Variants in ANO2 observed in about 807,000 individuals in gnomAD.
The protein encoded by ANO2 is anoctamin 2.
ANO2 carries 101 observed loss-of-function variants against 124.2 expected under a neutral mutation model. That is an observed-to-expected ratio of 0.81 (90% CI 0.69 to 0.96). ANO2 has a LOEUF of 0.96. Ranked by LOEUF, ANO2 falls within the 40% of genes least tolerant of loss-of-function variation. The pLI is 0.00. For missense variants in ANO2, 1,293 were observed against 1,274.5 expected, an observed-to-expected ratio of 1.01 and a Z score of -0.22; for synonymous variants, 486 against 482.5, an observed-to-expected ratio of 1.01 and a Z score of -0.09.
intron 10 of ANO2, among the ~76,000 whole-genome samples, chr12:5,776,353 C>T (rs1485924287): frequency 6.6e-6 from 1 of 152,196 alleles, no homozygotes; most frequent in African/African-American, 2.4e-5. Flanking sequence ...CTACCATTGC[C>T]TGCTCTCTTG....
intron 1 of ANO2, 113 bp downstream of exon 1, chr12:5,945,083 G>T (rs1943044455): frequency 9.9e-7 from 1 of 1,011,892 alleles, no homozygotes; most frequent in Non-Finnish European, 1.3e-6. Flanking sequence ...CCCTGCCCAG[G>T]CTCCCTTGGG....
chr12:5,812,712 A>ACAAG (rs1555168038), intron 7 of ANO2, among the ~76,000 whole-genome samples: 3 of 101,010 alleles, frequency 3.0e-5, no homozygotes, highest in African/African-American at 1.2e-4. Context: ...GAAAAGAAGA[A>ACAAG]GAAGGAAGGG....
chr12:5,748,891 AAAC>A (rs1392151595), intron 11 of ANO2, among the ~76,000 whole-genome samples: 62 of 151,478 alleles, frequency 4.1e-4, no homozygotes, highest in African/African-American at 1.5e-3. Context: ...AAAAAAAACA[AAAC>A]AAAACACTTG....
intron 3 of ANO2, among the ~76,000 whole-genome samples, chr12:5,857,057 T>C (rs1955120242): frequency 6.6e-6 from 1 of 152,248 alleles, no homozygotes; most frequent in Admixed American, 6.5e-5. Context: ...CTGATGTGAC[T>C]GGTTGTGTCT....
chr12:5,663,807 G>A (rs982958247), intron 14 of ANO2, among the ~76,000 whole-genome samples: 3 of 152,150 alleles, frequency 2.0e-5, no homozygotes, highest in South Asian at 2.1e-4. Context: ...TAGGCTGGTC[G>A]GGTCAGGCCT....
At chr12:5,676,498 C>G (rs998388815) in intron 14 of ANO2, among the ~76,000 whole-genome samples, 2 of 152,142 alleles carry the variant, frequency 1.3e-5, no homozygotes, top group East Asian at 3.9e-4. Context: ...CAAGCACACA[C>G]ATGCATGCAA....
chr12:5,601,831 TG>T (rs1242789793), intron 19 of ANO2, among the ~76,000 whole-genome samples: 1 of 152,274 alleles, frequency 6.6e-6, no homozygotes, highest in Non-Finnish European at 1.5e-5. Flanking sequence ...ATGAATATCT[TG>T]GAAGACGGAC....
chr12:5,770,529 T>C (rs1184363493), intron 10 of ANO2, among the ~76,000 whole-genome samples: 1 of 152,154 alleles, frequency 6.6e-6, no homozygotes, highest in African/African-American at 2.4e-5. Context: ...AAAAATCAAA[T>C]TCCACTTCCA....
At chr12:5,911,034 T>C (rs945472346) in intron 3 of ANO2, among the ~76,000 whole-genome samples, 12 of 152,228 alleles carry the variant, frequency 7.9e-5, no homozygotes, top group Admixed American at 5.2e-4. Flanking sequence ...GAGAGGGAAG[T>C]TGATTTCACC....
intron 19 of ANO2, 51 bp downstream of exon 19, chr12:5,612,605 T>C: frequency 1.3e-6 from 2 of 1,525,862 alleles, no homozygotes; most frequent in Non-Finnish European, 1.8e-6. Context: ...CTGGCACTTC[T>C]GGGCTAACCC....
chr12:5,662,091 T>C (rs1017429937), intron 14 of ANO2, among the ~76,000 whole-genome samples: 1 of 152,222 alleles, frequency 6.6e-6, no homozygotes, highest in Non-Finnish European at 1.5e-5. Context: ...AGTCCAGGGA[T>C]GAACTTCAGA....
At chr12:5,668,961 G>C (rs1947864833) in intron 14 of ANO2, among the ~76,000 whole-genome samples, 1 of 152,066 alleles carries the variant, frequency 6.6e-6, no homozygotes. Context: ...TTGTAGTACA[G>C]TTTGAAGTTG....
intron 3 of ANO2, among the ~76,000 whole-genome samples, chr12:5,891,280 T>C (rs1007660350): frequency 6.6e-6 from 1 of 152,110 alleles, no homozygotes. Context: ...ATTGTTTTCT[T>C]TTCTCCATTC....
intron 4 of ANO2, among the ~76,000 whole-genome samples, chr12:5,834,552 C>T (rs548412059): frequency 2.0e-5 from 3 of 152,302 alleles, no homozygotes; most frequent in South Asian, 4.1e-4. Context: ...AATCTTCTTC[C>T]ATTACCATTT....
Position 5,615,254 on chromosome 12 carries a change from G to C in ANO2, c.1860C>G (p.Leu620=). ...TEQTFEERLI[L]KAFLLKFVNA... is the part of the protein sequence containing the mutation. ...TGACAAACTTGAGCAAGAAAGCTTT[G>C]AGGATCAGGCGCTCTTCAAAAGTCT... is the stretch of plus-strand genomic sequence containing the variant. Residue 620 remains leucine (L), a synonymous_variant, in exon 17 of 25, where the codon CTC becomes CTG. Transcript: ENST00000682330. 1 of 1,613,780 alleles carries C rather than the reference G, an allele frequency of 6.2e-7. No homozygotes were observed. The highest frequency in any genetic ancestry group is 8.5e-7 in the Non-Finnish European group (1 of 1,179,802).
intron 7 of ANO2, among the ~76,000 whole-genome samples, chr12:5,809,492 G>C (rs1344996236): frequency 6.6e-6 from 1 of 152,118 alleles, no homozygotes; most frequent in African/African-American, 2.4e-5. Flanking sequence ...CCAAAACTCT[G>C]TGGAAAAGTC....
rs919961981 is a variant in ANO2, at chr12:5,925,466, C to T, written c.23-2662G>A. Among the ~76,000 whole-genome samples, 4 of 152,156 alleles carry T rather than the reference C, an allele frequency of 2.6e-5. No homozygotes were observed. Among genetic ancestry groups the T allele is most frequent in the East Asian group, 1.9e-4 (1 of 5,188 alleles). On this transcript the variant is annotated intron_variant, in intron 1 of 24. Coordinates refer to ENST00000682330, the MANE Select transcript of ANO2 (RefSeq NM_001364791.2). The surrounding 1 kb of genome is among the most constrained non-coding windows in gnomAD (Gnocchi z 4.6). ...CAGCACACGGTTCAGCCATCCCAGC[C>T]GTCCCAGCTCTGGAGAGGCACTCCA... is the stretch of plus-strand genomic sequence containing the variant.
At chr12:5,590,187 C>A (rs1343701515) in intron 20 of ANO2, among the ~76,000 whole-genome samples, 3 of 152,158 alleles carry the variant, frequency 2.0e-5, no homozygotes, top group African/African-American at 7.2e-5. Flanking sequence ...AACACAAATT[C>A]GTAAACTTTC....
At chr12:5,886,159 A>T (rs1938884694) in intron 3 of ANO2, among the ~76,000 whole-genome samples, 1 of 152,206 alleles carries the variant, frequency 6.6e-6, no homozygotes, top group South Asian at 2.1e-4. Flanking sequence ...AAAAGTAGAG[A>T]TTTGAACAGA....
Sources: allele counts gnomAD v4.1 joint callset (sites outside exome capture counted in the v4.1 genomes callset), GRCh38; gene constraint gnomAD v4.1.1; non-coding constraint Gnocchi (gnomAD v3.1); transcripts MANE v1.5; gene names NCBI Gene and HGNC (gene_info 2026-07-23, HGNC 2026-07-21).